Variants in SHANK2 observed in about 807,000 individuals in gnomAD.
SHANK2 encodes SH3 and multiple ankyrin repeat domains 2.
In SHANK2, 43 loss-of-function variants were observed where a neutral mutation model predicts 133.7. That is an observed-to-expected ratio of 0.32 (90% CI 0.25 to 0.41). The LOEUF (loss-of-function observed/expected upper bound fraction) is 0.41, where lower values mean the gene tolerates loss of function less well. Among genes scored for constraint, SHANK2 ranks in the 10% least tolerant of loss-of-function variants. SHANK2 has a pLI of 1.00. For synonymous variants in SHANK2, 1,017 were observed against 952.8 expected, an observed-to-expected ratio of 1.07 and a Z score of -1.24; for missense variants, 1,994 against 2,235.8, an observed-to-expected ratio of 0.89 and a Z score of 2.18.
intron 2 of SHANK2, among the ~76,000 whole-genome samples, chr11:71,169,594 T>A (rs569868627): frequency 1.1e-4 from 17 of 151,850 alleles, no homozygotes; most frequent in African/African-American, 1.7e-4. Context: ...CTACTAAAAA[T>A]ATAAAAATTA....
intron 14 of SHANK2, chr11:70,705,495 G>GA (rs1385147072): frequency 6.6e-6 from 1 of 152,092 alleles, no homozygotes; most frequent in Non-Finnish European, 1.5e-5. Flanking sequence ...AGGAGAAAAG[G>GA]AAAAAACCAC....
intron 11 of SHANK2, among the ~76,000 whole-genome samples, chr11:70,848,008 T>C (rs1444073443): frequency 6.6e-6 from 1 of 152,216 alleles, no homozygotes; most frequent in African/African-American, 2.4e-5. Flanking sequence ...GGCTTCATCT[T>C]GCTAGAAGGC....
At chr11:70,743,284 G>A (rs1038258170) in intron 14 of SHANK2, among the ~76,000 whole-genome samples, 11 of 152,216 alleles carry the variant, frequency 7.2e-5, no homozygotes, top group African/African-American at 1.7e-4. Flanking sequence ...CGAAATCCCC[G>A]GTGTGAGGGT....
chr11:70,599,345 C>T (rs1178544620), intron 17 of SHANK2, among the ~76,000 whole-genome samples: 1 of 151,880 alleles, frequency 6.6e-6, no homozygotes, highest in East Asian at 1.9e-4. Context: ...CAGTGGCTCA[C>T]ATCTGTAATC....
chr11:70,953,958 G>C (rs1393230207), intron 10 of SHANK2, among the ~76,000 whole-genome samples: 1 of 152,216 alleles, frequency 6.6e-6, no homozygotes, highest in East Asian at 1.9e-4. Context: ...ACCTCTAGGA[G>C]AGCCGTGTGT....
chr11:70,796,291 G>A (rs191585028), intron 14 of SHANK2, among the ~76,000 whole-genome samples: 43 of 152,156 alleles, frequency 2.8e-4, no homozygotes, highest in African/African-American at 1.0e-3. Context: ...ACACTATCCT[G>A]GAAGCCGCTA....
intron 9 of SHANK2, among the ~76,000 whole-genome samples, chr11:71,070,796 GC>G (rs1951133059): frequency 6.6e-6 from 1 of 152,270 alleles, no homozygotes; most frequent in South Asian, 2.1e-4. Context: ...GACACGCAAA[GC>G]CTAAAATGTT....
chr11:70,665,554 TAAG>T (rs1944663823), intron 15 of SHANK2, among the ~76,000 whole-genome samples: 1 of 152,192 alleles, frequency 6.6e-6, no homozygotes, highest in South Asian at 2.1e-4. Flanking sequence ...TCTCTGACAT[TAAG>T]AAGGACTGTT....
chr11:70,786,318 T>C (rs1335512663), intron 14 of SHANK2, among the ~76,000 whole-genome samples: 1 of 152,046 alleles, frequency 6.6e-6, no homozygotes, highest in Non-Finnish European at 1.5e-5. Context: ...GGGAAGCAGA[T>C]GGGCAGGGGC....
chr11:70,528,029 G>A (rs2059421198), intron 17 of SHANK2, among the ~76,000 whole-genome samples: 1 of 152,232 alleles, frequency 6.6e-6, no homozygotes, highest in African/African-American at 2.4e-5. Flanking sequence ...AAATGGGCAG[G>A]CCACACTCTC....
chr11:70,857,734 C>G (rs1220857657), intron 11 of SHANK2, among the ~76,000 whole-genome samples: 2 of 152,230 alleles, frequency 1.3e-5, no homozygotes, highest in African/African-American at 2.4e-5. Context: ...ACTTGCAACT[C>G]TCTAGGAAGA....
intron 17 of SHANK2, among the ~76,000 whole-genome samples, chr11:70,541,905 G>A (rs1791476114): frequency 6.6e-6 from 1 of 152,244 alleles, no homozygotes; most frequent in African/African-American, 2.4e-5. Context: ...AGTTCTCGTG[G>A]CAGCTGGCAC....
At position 70,492,323 on chromosome 11, in the gene SHANK2, A is replaced by G; in HGVS notation, c.2439+12T>C. ...GCCCCCGCCCTCGTGGTCCCAAGGT[A>G]CGGCCACTCACGTTCATGTCTGAGC... On this transcript the variant is annotated intron_variant, in intron 22 of 25. Coordinates refer to ENST00000601538, the MANE Select transcript of SHANK2 (RefSeq NM_012309.5). The G allele has an allele frequency of 6.2e-7, 1 of 1,609,152 alleles. No individual in the cohort carries two copies. The highest frequency in any genetic ancestry group is 8.5e-7 in the Non-Finnish European group (1 of 1,179,846).
rs576492268 is a variant in SHANK2 at position 70,831,859 on chromosome 11, C to T, written c.1175-11177G>A. 2.6e-5 allele frequency among the ~76,000 whole-genome samples: 4 copies of T among 152,204 alleles called. No individual in the cohort carries two copies. In the South Asian group the frequency reaches 6.2e-4, roughly 24 times the overall value. ...CCCATGTGGTTTGGAAAGAGCCGGA[C>T]GTGGGAGTCAAGACGCAGGTTTGGG... On this transcript the variant is annotated intron_variant, in intron 11 of 25. Coordinates refer to ENST00000601538, the MANE Select transcript of SHANK2 (RefSeq NM_012309.5).
In SHANK2 at chr11:70,487,182, C is replaced by T. The variant is rs1555154238; in HGVS notation, c.3111G>A (p.Lys1037=). The change falls in exon 25 of 26, where the codon AAG becomes AAA. Residue 1037 remains lysine (K), a synonymous_variant. Coordinates refer to ENST00000601538, the MANE Select transcript of SHANK2 (RefSeq NM_012309.5). The surrounding 1 kb of genome is among the most constrained non-coding windows in gnomAD (Gnocchi z 5.8). Reference sequence around the variant, plus strand: ...TGCCGCTGCTGCTGGTGGACGGCTCCTTCACGATGATGGTCGGGATAGGGA... The same window carrying T: ...TGCCGCTGCTGCTGGTGGACGGCTCTTTCACGATGATGGTCGGGATAGGGA... The part of the protein sequence containing the change: ...CSIPIPTIIV[K]EPSTSSSGKS... 5.0e-6 allele frequency: 8 copies of T among 1,613,676 alleles called. No individual in the cohort carries two copies. Among genetic ancestry groups the T allele is most frequent in the South Asian group, 2.2e-5 (2 of 91,082 alleles).
chr11:71,094,529 G>C lies in SHANK2; in HGVS notation c.744+8C>G. 6.5e-7 allele frequency: 1 copy of C among 1,548,388 alleles called. No homozygotes were observed. The highest frequency in any genetic ancestry group is 8.7e-7 in the Non-Finnish European group (1 of 1,144,564). On this transcript the variant is annotated splice_region_variant and intron_variant, in intron 7 of 25. Transcript: ENST00000601538. ...GGTGGCACCCAAGTAAGATGGGCCCGAGTTTACCTTCAGGGCAACTTGGTT... is the reference window on the plus strand; with the variant it reads ...GGTGGCACCCAAGTAAGATGGGCCCCAGTTTACCTTCAGGGCAACTTGGTT...
intron 21 of SHANK2, among the ~76,000 whole-genome samples, chr11:70,494,641 ATG>A (rs2058943365): frequency 6.6e-6 from 1 of 152,164 alleles, no homozygotes; most frequent in South Asian, 2.1e-4. Flanking sequence ...AGGCAGGAGA[ATG>A]TGCAGCAGAG....
chr11:70,682,678 T>A (rs1945053646), intron 15 of SHANK2, among the ~76,000 whole-genome samples: 1 of 151,922 alleles, frequency 6.6e-6, no homozygotes, highest in Middle Eastern at 3.2e-3. Flanking sequence ...GGGAGGCAGG[T>A]AGGAGGAAGT....
At chr11:70,542,824 G>A (rs988286716) in intron 17 of SHANK2, among the ~76,000 whole-genome samples, 1 of 152,196 alleles carries the variant, frequency 6.6e-6, no homozygotes. Flanking sequence ...CTAACTCCCG[G>A]GCACCATAGC....
Sources: allele counts gnomAD v4.1 joint callset (sites outside exome capture counted in the v4.1 genomes callset), GRCh38; gene constraint gnomAD v4.1.1; non-coding constraint Gnocchi (gnomAD v3.1); transcripts MANE v1.5; gene names NCBI Gene and HGNC (gene_info 2026-07-23, HGNC 2026-07-21).